CACNA1A: variants seen among roughly 807,000 people sequenced by gnomAD.
CACNA1A encodes the protein voltage-dependent P/Q-type calcium channel subunit alpha-1A.
In CACNA1A, 57 loss-of-function variants were observed where a neutral mutation model predicts 262.4. That is an observed-to-expected ratio of 0.22 (90% CI 0.18 to 0.27). The LOEUF (loss-of-function observed/expected upper bound fraction) is 0.27. Ranked by LOEUF, CACNA1A falls within the 10% of genes least tolerant of loss-of-function variation. The pLI, the probability that CACNA1A is intolerant of heterozygous loss-of-function variation, is 1.00. For synonymous variants in CACNA1A, 1,431 were observed against 1,419.3 expected, an observed-to-expected ratio of 1.01 and a Z score of -0.18; for missense variants, 2,526 against 3,562.8, an observed-to-expected ratio of 0.71 and a Z score of 7.41.
At position 13,236,891 on chromosome 19, in the gene CACNA1A, A is replaced by T. The variant is rs2055895634; in HGVS notation, c.4951-1161T>A. On this transcript the variant is annotated intron_variant, in intron 31 of 46. Coordinates refer to ENST00000360228, the MANE Select transcript of CACNA1A (RefSeq NM_001127222.2). The surrounding 1 kb of genome is among the most constrained non-coding windows in gnomAD (Gnocchi z 4.6). ...AGTGGCCATTGTGGGGCTTCAAGGG[A>T]CCTTGGTGGGGGGGGTGGGACTCTC... Among the ~76,000 whole-genome samples, 1 of 151,880 alleles carries T rather than the reference A, an allele frequency of 6.6e-6. No individual in the cohort carries two copies. The highest frequency in any genetic ancestry group is 6.6e-5 in the Admixed American group (1 of 15,244).
Position 13,212,166 on chromosome 19 carries a change from G to A in CACNA1A, c.6240C>T (p.His2080=). ...GGCCCTGGCCTTCCATGGGGAGGTA[G>A]TGCTCGCTGTCGGAGTAGCCATCTC... ...MGRDGYSDSE[H]YLPMEGQGRA... is the part of the protein sequence containing the mutation. The change falls in exon 43 of 47, where the codon CAC becomes CAT. Residue 2080 remains histidine (H), a synonymous_variant. Coordinates refer to ENST00000360228, the MANE Select transcript of CACNA1A (RefSeq NM_001127222.2). The surrounding 1 kb of genome is among the most constrained non-coding windows in gnomAD (Gnocchi z 5.6). 1.2e-6 allele frequency: 2 copies of A among 1,613,908 alleles called. No individual in the cohort carries two copies. Among genetic ancestry groups the A allele is most frequent in the Non-Finnish European group, 1.7e-6 (2 of 1,179,800 alleles).
chr19:13,299,258 G>A lies in CACNA1A; in HGVS notation c.2375C>T (p.Ala792Val), dbSNP rs765564222. 3.1e-6 allele frequency: 5 copies of A among 1,607,340 alleles called. No homozygotes were observed. The highest frequency in any genetic ancestry group is 4.5e-5 in the East Asian group (2 of 44,892). ...RKQNLLASRE[A>V]LYNEMDPDER... is the part of the protein sequence containing the mutation. ...GTCCGGGTCCATTTCGTTATACAGG[G>A]CCTCCCGGCTGGCCAGCAAGTTCTG... is the stretch of plus-strand genomic sequence containing the variant. The change falls in exon 19 of 47, where the codon GCC becomes GTC. Residue 792 changes from alanine (A) to valine (V), a missense_variant. Ala to Val is a moderately conservative substitution (Grantham distance 64). This residue lies in a region of CACNA1A where 765 missense variants were observed against 748.6 expected (regional missense o/e 1.02). Coordinates refer to ENST00000360228, the MANE Select transcript of CACNA1A (RefSeq NM_001127222.2).
rs377567793 is a variant in CACNA1A at position 13,479,714 on chromosome 19, G to A, written c.294-24502C>T. On this transcript the variant is annotated intron_variant, in intron 1 of 46. Transcript: ENST00000360228. Reference sequence around the variant, plus strand: ...ATGTCTTATCAGACAAACAAGCCTGGAGTCAGGAGAGCCCATGTCCCAGTG... The same window carrying A: ...ATGTCTTATCAGACAAACAAGCCTGAAGTCAGGAGAGCCCATGTCCCAGTG... Among the ~76,000 whole-genome samples, 18 of 152,310 alleles carry A rather than the reference G, an allele frequency of 1.2e-4. No homozygotes were observed. In the South Asian group the frequency reaches 3.7e-3, roughly 32 times the overall value.
intron 30 of CACNA1A, among the ~76,000 whole-genome samples, chr19:13,249,371 T>C (rs2056334206): frequency 6.6e-6 from 1 of 152,152 alleles, no homozygotes; most frequent in Non-Finnish European, 1.5e-5. Flanking sequence ...ATTTATTTAT[T>C]TTGATACAGG....
intron 30 of CACNA1A, among the ~76,000 whole-genome samples, chr19:13,249,937 A>T (rs2056351879): frequency 6.6e-6 from 1 of 152,262 alleles, no homozygotes; most frequent in Admixed American, 6.5e-5. Context: ...AAAGGGATGG[A>T]CTAAGCTGGT....
intron 1 of CACNA1A, among the ~76,000 whole-genome samples, chr19:13,502,377 A>G (rs1376712636): frequency 1.3e-5 from 2 of 152,112 alleles, no homozygotes; most frequent in Non-Finnish European, 2.9e-5. Context: ...TTTCTACATC[A>G]TGTTCAGTGG....
chr19:13,327,943 C>T (rs917159425), intron 10 of CACNA1A, among the ~76,000 whole-genome samples: 15 of 152,128 alleles, frequency 9.9e-5, no homozygotes, highest in African/African-American at 3.6e-4. Context: ...CTGTTGCCCA[C>T]GTTGCAGTGC....
At chr19:13,302,766 C>G (rs960010969) in intron 17 of CACNA1A, among the ~76,000 whole-genome samples, 1 of 152,212 alleles carries the variant, frequency 6.6e-6, no homozygotes, top group Admixed American at 6.5e-5. Context: ...GCAGAGACTT[C>G]CGCTTCCCTC....
chr19:13,320,275 A>AGAGAGAGAGAGAGAGAGAGAGAGAGAGAG, intron 10 of CACNA1A, among the ~76,000 whole-genome samples: 1 of 150,262 alleles, frequency 6.7e-6, no homozygotes. Context: ...AGAGAGAGAG[A>AGAGAGAGAGAGAGAGAGAGAGAGAGAGAG]AACCACAGCA....
chr19:13,424,898 G>A (rs1378707476), intron 3 of CACNA1A, among the ~76,000 whole-genome samples: 2 of 151,940 alleles, frequency 1.3e-5, no homozygotes, highest in African/African-American at 2.4e-5. Context: ...TCTGCCTCCC[G>A]GGTTCAAGCA....
chr19:13,444,431 G>A (rs1350199231), intron 3 of CACNA1A, among the ~76,000 whole-genome samples: 1 of 152,166 alleles, frequency 6.6e-6, no homozygotes, highest in Non-Finnish European at 1.5e-5. Context: ...AAGGAGGTAA[G>A]AAGCAACTAC....
At chr19:13,481,185 ATGAGGAAAC>A (rs1168985886) in intron 1 of CACNA1A, among the ~76,000 whole-genome samples, 1 of 152,214 alleles carries the variant, frequency 6.6e-6, no homozygotes, top group Non-Finnish European at 1.5e-5. Context: ...TATTTTACAG[ATGAGGAAAC>A]TGAGGCACGG....
At chr19:13,480,084 C>T (rs1393587705) in intron 1 of CACNA1A, among the ~76,000 whole-genome samples, 1 of 152,214 alleles carries the variant, frequency 6.6e-6, no homozygotes, top group Non-Finnish European at 1.5e-5. Flanking sequence ...CAATAACATA[C>T]AACTATATTA....
Position 13,346,648 on chromosome 19 carries a change from ATATATATATATATATATATTTTTTTTTTT to A in CACNA1A, c.979-10768_979-10740del, listed in dbSNP as rs1209254958. On this transcript the variant is annotated intron_variant, in intron 6 of 46. Coordinates refer to ENST00000360228, the MANE Select transcript of CACNA1A (RefSeq NM_001127222.2). ...TATATATATATATATATATATATATATATATATATATATATATATTTTTTTTTTTTTTTTTTTTTTTTTTTTTTTGAGAC... is the reference window on the plus strand; with the variant it reads ...TATATATATATATATATATATATATATTTTTTTTTTTTTTTTTTTTGAGAC... Among the ~76,000 whole-genome samples, 8 of 5,922 alleles carry A rather than the reference ATATATATATATATATATATTTTTTTTTTT, an allele frequency of 1.4e-3. No homozygotes were observed. In the East Asian group the frequency reaches 0.022, roughly 16 times the overall value. The allele number at this position is 5,922 out of a possible 152,430, so 3.9% of individuals were successfully genotyped here.
At position 13,209,438 on chromosome 19, in the gene CACNA1A, G is replaced by A. The variant is rs121908235; in HGVS notation, c.6400C>T (p.Arg2134Cys). The change falls in exon 45 of 47, where the codon CGC (arginine) becomes TGC (cysteine). Residue 2134 changes from arginine to cysteine, a missense_variant. By Grantham distance (180) the Arg-to-Cys change is radical (BLOSUM62 -3). Coordinates refer to ENST00000360228, the MANE Select transcript of CACNA1A (RefSeq NM_001127222.2). ...CGCTCCAGCGAGTAATCGTCCAGGC[G>A]TCGGGCCTTGGGGCCCAGCACGGAG... ...SASVLGPKAR[R>C]LDDYSLERVP... 1.1e-4 allele frequency: 158 copies of A among 1,383,484 alleles called. 1 individual carries two copies. Among genetic ancestry groups the A allele is most frequent in the Middle Eastern group, 1.0e-3 (5 of 4,892 alleles). The allele number at this position is 1,383,484 out of a possible 1,614,324, so 85.7% of individuals were successfully genotyped here. A position where few individuals can be genotyped will look rare whatever the true frequency, so the allele number is the denominator to read the frequency against.
chr19:13,505,319 G>A (rs1982890308), intron 1 of CACNA1A, among the ~76,000 whole-genome samples: 1 of 151,976 alleles, frequency 6.6e-6, no homozygotes, highest in East Asian at 1.9e-4. Flanking sequence ...GGCCCACCCT[G>A]GGGTACTCAC....
chr19:13,382,156 C>G (rs552793343), intron 3 of CACNA1A, among the ~76,000 whole-genome samples: 2 of 152,228 alleles, frequency 1.3e-5, no homozygotes, highest in Admixed American at 6.5e-5. Flanking sequence ...GATTCAACTA[C>G]AAGTCCCTCT....
intron 1 of CACNA1A, among the ~76,000 whole-genome samples, chr19:13,491,248 T>C (rs556615010): frequency 2.0e-5 from 3 of 152,340 alleles, no homozygotes; most frequent in African/African-American, 7.2e-5. Context: ...GTTAGCTCTC[T>C]GAGTCTCAGT....
chr19:13,284,652 A>G (rs2057362036), intron 21 of CACNA1A: 1 of 169,588 alleles, frequency 5.9e-6, no homozygotes, highest in African/African-American at 2.4e-5. Context: ...CTAGGTTAGA[A>G]ACAGAGTTCA....
Sources: gnomAD v4.1 joint callset for allele counts (sites outside exome capture counted in the v4.1 genomes callset) on GRCh38, gnomAD v4.1.1 for gene constraint, gnomAD v4.1.1 regional missense constraint, Gnocchi (gnomAD v3.1) non-coding constraint, MANE v1.5 for transcripts, NCBI Gene and HGNC (gene_info 2026-07-23, HGNC 2026-07-21) for gene names.